The following YBX1 variants were observed in gnomAD, a reference collection of about 807,000 sequenced individuals.
YBX1 encodes the protein Y-box binding protein 1.
A neutral mutation model predicts 41.4 loss-of-function variants in YBX1; 3 were observed. The observed-to-expected ratio is 0.07, with a 90% confidence interval of 0.03 to 0.19. The LOEUF (loss-of-function observed/expected upper bound fraction) is 0.19, where lower values mean the gene tolerates loss of function less well. YBX1 is among the 10% of genes least tolerant of loss of function. YBX1 has a pLI of 1.00. For synonymous variants in YBX1, 133 were observed against 165.8 expected (o/e 0.80, Z 1.52); for missense variants, 274 against 462.8 (o/e 0.59, Z 3.74).
chr1:42,697,290 TAA>T (rs1207485147), intron 6 of YBX1, 28 bp downstream of exon 6: 5 of 1,606,552 alleles, frequency 3.1e-6, no homozygotes, highest in Non-Finnish European at 4.2e-6. Context: ...ATGTTTCTAT[TAA>T]AATTTCCTCA....
intron 6 of YBX1, among the ~76,000 whole-genome samples, chr1:42,699,818 G>C (rs768025192): frequency 2.6e-5 from 4 of 152,028 alleles, no homozygotes; most frequent in Non-Finnish European, 5.9e-5. Context: ...AAACAATAAG[G>C]AATTACCTAA....
chr1:42,698,871 A>G (rs1406086884), intron 6 of YBX1, among the ~76,000 whole-genome samples: 3 of 152,238 alleles, frequency 2.0e-5, no homozygotes. Flanking sequence ...CAAACTGTGC[A>G]GGAATCTTTT....
chr1:42,700,816 G>A lies in YBX1; in HGVS notation c.776G>A (p.Gly259Asp). The A allele has an allele frequency of 5.6e-6, 9 of 1,612,116 alleles. No homozygotes were observed. Among genetic ancestry groups the A allele is most frequent in the Non-Finnish European group, 7.6e-6 (9 of 1,179,804 alleles). Reference protein sequence around the residue: ...PPRQRQPREDGNEEDKENQGD... With the variant: ...PPRQRQPREDDNEEDKENQGD... ...CGCCAAAGACAGCCTAGAGAGGACG[G>A]CAATGAAGAAGATAAAGAAAATCAA... The change falls in exon 7 of 8, where the codon GGC becomes GAC. Residue 259 changes from glycine to aspartate, a missense_variant. Coordinates refer to ENST00000321358, the MANE Select transcript of YBX1 (RefSeq NM_004559.5).
chr1:42,683,328 G>A (rs781744913), intron 1 of YBX1, 75 bp from the exon 2 acceptor site: 1 of 1,580,790 alleles, frequency 6.3e-7, no homozygotes, highest in African/African-American at 1.3e-5. Context: ...GCGAGGGACC[G>A]GATGCCCAAG....
At chr1:42,688,121 C>G (rs920363712) in intron 2 of YBX1, among the ~76,000 whole-genome samples, 3 of 152,182 alleles carry the variant, frequency 2.0e-5, no homozygotes, top group African/African-American at 7.2e-5. Flanking sequence ...GTCCCACTCC[C>G]TGTGTCCTCC....
rs775961278 is a variant in YBX1, at chr1:42,700,840, AAGG to A, written c.803_805del (p.Gly268del). 1.9e-6 allele frequency: 3 copies of A among 1,613,130 alleles called. No individual in the cohort carries two copies. In the African/African-American group the frequency reaches 4.0e-5, roughly 22 times the overall value. On this transcript the variant is annotated inframe_deletion, in exon 7 of 8. Coordinates refer to ENST00000321358, the MANE Select transcript of YBX1 (RefSeq NM_004559.5). ...GGCAATGAAGAAGATAAAGAAAATCAAGGAGATGAGACCCAAGGTCAGCAGCCA... is the reference window on the plus strand; with the variant it reads ...GGCAATGAAGAAGATAAAGAAAATCAAGATGAGACCCAAGGTCAGCAGCCA...
At position 42,696,888 on chromosome 1, in the gene YBX1, C is replaced by T. The variant is rs1456523312; in HGVS notation, c.601C>T (p.Pro201Ser). ...RRFPPYYMRR[P>S]YGRRPQYSNP... The stretch of plus-strand genomic sequence containing the variant: ...GTTCCCACCTTACTACATGCGGAGA[C>T]CCTATGGGCGTCGACCACAGTATTC... The change falls in exon 5 of 8, where the codon CCC becomes TCC. Residue 201 changes from proline (P) to serine (S), a missense_variant. Around this residue, in one of 3 missense-constraint regions of YBX1, gnomAD observed 187 missense variants for 306.3 expected, o/e 0.61. Transcript: ENST00000321358. The surrounding 1 kb of genome is among the most constrained non-coding windows in gnomAD (Gnocchi z 5.7). 1.9e-6 allele frequency: 3 copies of T among 1,584,134 alleles called. No individual in the cohort carries two copies. Among genetic ancestry groups the T allele is most frequent in the Non-Finnish European group, 2.6e-6 (3 of 1,163,842 alleles).
At position 42,683,443 on chromosome 1, in the gene YBX1, G is replaced by A. The variant is rs1323444679; in HGVS notation, c.207G>A (p.Arg69=). The A allele has an allele frequency of 6.2e-7, 1 of 1,614,034 alleles. No homozygotes were observed. The highest frequency in any genetic ancestry group is 8.5e-7 in the Non-Finnish European group (1 of 1,180,044). ...VLGTVKWFNV[R]NGYGFINRND... is the part of the protein sequence containing the mutation. Reference sequence around the variant, plus strand: ...GAACAGTAAAATGGTTCAATGTAAGGAACGGATATGGTTTCATCAACAGGT... The same window carrying A: ...GAACAGTAAAATGGTTCAATGTAAGAAACGGATATGGTTTCATCAACAGGT... The change falls in exon 2 of 8, where the codon AGG becomes AGA. Residue 69 remains arginine (R), a synonymous_variant. Coordinates refer to ENST00000321358, the MANE Select transcript of YBX1 (RefSeq NM_004559.5).
At chr1:42,695,331 A>G (rs905041677) in intron 3 of YBX1, among the ~76,000 whole-genome samples, 1 of 152,232 alleles carries the variant, frequency 6.6e-6, no homozygotes, top group East Asian at 1.9e-4. Context: ...TGGAGTGAAC[A>G]TGGGATTTGG....
At chr1:42,698,192 G>A (rs1325388882) in intron 6 of YBX1, among the ~76,000 whole-genome samples, 1 of 152,220 alleles carries the variant, frequency 6.6e-6, no homozygotes, top group Non-Finnish European at 1.5e-5. Context: ...CAAAGTTGGA[G>A]CACTTAGTGA....
chr1:42,682,710 G>C lies in YBX1; in HGVS notation c.145G>C (p.Gly49Arg). 8.0e-7 allele frequency: 1 copy of C among 1,245,816 alleles called. No individual in the cohort carries two copies. The highest frequency in any genetic ancestry group is 1.0e-6 in the Non-Finnish European group (1 of 1,000,702). The allele number at this position is 1,245,816 out of a possible 1,614,324, so 77.2% of individuals were successfully genotyped here. A position where few individuals can be genotyped will look rare whatever the true frequency, so the allele number is the denominator to read the frequency against. Reference sequence around the variant, plus strand: ...CGGCCTCACATCGGCGGCGCCTGCCGGCGGGGACAAGAAGGTCATCGGTGA... The same window carrying C: ...CGGCCTCACATCGGCGGCGCCTGCCCGCGGGGACAAGAAGGTCATCGGTGA... The part of the protein sequence containing the change: ...PGGLTSAAPA[G>R]GDKKVIATKV... The change falls in exon 1 of 8, where the codon GGC becomes CGC. Residue 49 changes from glycine to arginine, a missense_variant. This residue lies in a region of YBX1 where 84 missense variants were observed against 130.8 expected (regional missense o/e 0.64). Transcript: ENST00000321358.
At chr1:42,690,547 C>T (rs983512148) in intron 2 of YBX1, among the ~76,000 whole-genome samples, 17 of 152,144 alleles carry the variant, frequency 1.1e-4, no homozygotes, top group African/African-American at 4.1e-4. Context: ...GCAGGGCACT[C>T]CTGTGACCTG....
rs1219880635 is a variant in YBX1, at chr1:42,696,405, A to T, written c.354+117A>T. 1 of 1,082,308 alleles carries T rather than the reference A, an allele frequency of 9.2e-7. No individual in the cohort carries two copies. The highest frequency in any genetic ancestry group is 1.6e-5 in the African/African-American group (1 of 62,752). 67.0% of individuals were successfully genotyped at this position (1,082,308 alleles called of 1,614,324 possible). On this transcript the variant is annotated intron_variant, in intron 4 of 7. Transcript: ENST00000321358. This position sits in a 1 kb window ranked among gnomAD's most constrained non-coding sequence, Gnocchi z 5.7. ...TGTGTTCAGGTGACCTCATGAACAC[A>T]GGTGCATCAAGCCTAATGTTCTGGC...
Position 42,700,814 on chromosome 1 carries a change from C to T in YBX1, c.774C>T (p.Asp258=), listed in dbSNP as rs752849643. The part of the protein sequence containing the change: ...GPPRQRQPRE[D]GNEEDKENQG... ...CTCGCCAAAGACAGCCTAGAGAGGA[C>T]GGCAATGAAGAAGATAAAGAAAATC... is the stretch of plus-strand genomic sequence containing the variant. Residue 258 remains aspartate (D), a synonymous_variant, in exon 7 of 8, where the codon GAC becomes GAT. Transcript: ENST00000321358. 9 of 1,611,746 alleles carry T rather than the reference C, an allele frequency of 5.6e-6. No homozygotes were observed. The highest frequency in any genetic ancestry group is 2.7e-5 in the African/African-American group (2 of 74,750).
intron 3 of YBX1, among the ~76,000 whole-genome samples, chr1:42,694,200 A>G (rs1173980056): frequency 1.3e-5 from 2 of 152,172 alleles, no homozygotes; most frequent in Non-Finnish European, 2.9e-5. Flanking sequence ...TTAACATAGG[A>G]TGAGTACTGA....
intron 2 of YBX1, among the ~76,000 whole-genome samples, chr1:42,692,856 TG>T (rs1231338776): frequency 6.6e-6 from 1 of 152,252 alleles, no homozygotes; most frequent in Admixed American, 6.5e-5. Context: ...TTTCTCATTT[TG>T]CCTCAAAAAG....
chr1:42,688,282 A>G (rs558974704), intron 2 of YBX1, among the ~76,000 whole-genome samples: 23 of 152,290 alleles, frequency 1.5e-4, no homozygotes, highest in Non-Finnish European at 2.6e-4. Flanking sequence ...ATTTGCAACA[A>G]CCTGAAAACT....
Position 42,700,766 on chromosome 1 carries a change from C to T in YBX1, c.741-15C>T. The stretch of plus-strand genomic sequence containing the variant: ...AAGGTTTTATCATTCTTAAGTTTGA[C>T]ACCGTTCATTGCAGGGGCCCTCCTC... On this transcript the variant is annotated splice_polypyrimidine_tract_variant and intron_variant, in intron 6 of 7. Transcript: ENST00000321358. 6.2e-7 allele frequency: 1 copy of T among 1,600,580 alleles called. No homozygotes were observed. The highest frequency in any genetic ancestry group is 8.5e-7 in the Non-Finnish European group (1 of 1,173,816).
At chr1:42,697,699 A>T (rs1650495963) in intron 6 of YBX1, among the ~76,000 whole-genome samples, 1 of 152,118 alleles carries the variant, frequency 6.6e-6, no homozygotes, top group East Asian at 1.9e-4. Flanking sequence ...GGGAGTTGTC[A>T]GCTCAAAGTT....
Sources: allele counts gnomAD v4.1 joint callset (sites outside exome capture counted in the v4.1 genomes callset), GRCh38; gene constraint gnomAD v4.1.1; regional missense constraint gnomAD v4.1.1; non-coding constraint Gnocchi (gnomAD v3.1); transcripts MANE v1.5; gene names NCBI Gene and HGNC (gene_info 2026-07-23, HGNC 2026-07-21).